The following CNTN1 variants were observed in gnomAD, a reference collection of about 807,000 sequenced individuals.
The protein encoded by CNTN1 is contactin-1.
CNTN1 carries 38 observed loss-of-function variants against 126.4 expected under a neutral mutation model. That is an observed-to-expected ratio of 0.30 (90% confidence interval 0.23 to 0.39). The LOEUF is 0.39. Among genes scored for constraint, CNTN1 ranks in the 10% least tolerant of loss-of-function variants. CNTN1 has a pLI of 1.00. For missense variants in CNTN1, 1,009 were observed against 1,248.4 expected (o/e 0.81, Z 2.89); for synonymous variants, 413 against 422.6 (o/e 0.98, Z 0.28).
intron 1 of CNTN1, among the ~76,000 whole-genome samples, chr12:40,853,987 T>C (rs1446644681): frequency 6.7e-6 from 1 of 149,916 alleles, no homozygotes; most frequent in Non-Finnish European, 1.5e-5. Flanking sequence ...TTTCCAAATA[T>C]TTTCTCAGCT....
chr12:41,059,892 C>A (rs1949903809), intron 23 of CNTN1, among the ~76,000 whole-genome samples: 1 of 152,004 alleles, frequency 6.6e-6, no homozygotes, highest in Admixed American at 6.6e-5. Flanking sequence ...TGGGAATGGT[C>A]ATGCATGTCT....
At chr12:40,744,055 G>C (rs1239124387) in intron 1 of CNTN1, among the ~76,000 whole-genome samples, 2 of 150,216 alleles carry the variant, frequency 1.3e-5, no homozygotes, top group Non-Finnish European at 2.9e-5. Flanking sequence ...AACACCACAT[G>C]TTTTCACTTA....
intron 1 of CNTN1, among the ~76,000 whole-genome samples, chr12:40,838,104 C>A (rs1484582578): frequency 2.6e-5 from 4 of 152,228 alleles, no homozygotes; most frequent in African/African-American, 7.2e-5. Context: ...AAAAGGCCAC[C>A]CAGCCCGGCA....
intron 1 of CNTN1, among the ~76,000 whole-genome samples, chr12:40,898,630 AC>A (rs1944497346): frequency 6.6e-6 from 1 of 152,182 alleles, no homozygotes; most frequent in South Asian, 2.1e-4. Flanking sequence ...TGATACAATG[AC>A]CTGTATTCAA....
At chr12:40,801,934 A>C (rs1940671512) in intron 1 of CNTN1, among the ~76,000 whole-genome samples, 1 of 151,948 alleles carries the variant, frequency 6.6e-6, no homozygotes, top group South Asian at 2.1e-4. Flanking sequence ...TGAGGGCTCG[A>C]ACTTGGTTAT....
chr12:40,901,411 G>C (rs956423756), intron 1 of CNTN1, among the ~76,000 whole-genome samples: 1 of 152,162 alleles, frequency 6.6e-6, no homozygotes, highest in Non-Finnish European at 1.5e-5. Context: ...ACAGATTCCT[G>C]AGTAAATCGC....
At chr12:40,740,763 T>C (rs532478351) in intron 1 of CNTN1, among the ~76,000 whole-genome samples, 1 of 152,102 alleles carries the variant, frequency 6.6e-6, no homozygotes, top group African/African-American at 2.4e-5. Context: ...GGTTTTCCCA[T>C]GTTGTTCTCG....
Position 40,880,625 on chromosome 12 carries a change from G to A in CNTN1, c.-76-27732G>A, listed in dbSNP as rs183425297. Among the ~76,000 whole-genome samples the A allele has an allele frequency of 2.0e-4, 30 of 152,088 alleles. No homozygotes were observed. The East Asian group carries it at 3.3e-3, about 17-fold the overall frequency. On this transcript the variant is annotated intron_variant, in intron 1 of 23. Coordinates refer to ENST00000551295, the MANE Select transcript of CNTN1 (RefSeq NM_001843.4). Reference sequence around the variant, plus strand: ...TAGATGATGTAGTAAAAGATTGTGCGTCACTTAGTACTCCTTTGACAATAA... The same window carrying A: ...TAGATGATGTAGTAAAAGATTGTGCATCACTTAGTACTCCTTTGACAATAA...
chr12:40,884,676 AT>A (rs1271615085), intron 1 of CNTN1, among the ~76,000 whole-genome samples: 2 of 151,530 alleles, frequency 1.3e-5, no homozygotes, highest in South Asian at 4.2e-4. Context: ...ATTAAGTTGC[AT>A]TTTTTATTCA....
chr12:40,761,811 A>G (rs1938874953), intron 1 of CNTN1, among the ~76,000 whole-genome samples: 1 of 152,200 alleles, frequency 6.6e-6, no homozygotes, highest in Admixed American at 6.5e-5. Flanking sequence ...GTTACTTTAG[A>G]ATAGGCTAAA....
intron 1 of CNTN1, among the ~76,000 whole-genome samples, chr12:40,816,765 C>A (rs1449861040): frequency 6.6e-6 from 1 of 152,068 alleles, no homozygotes; most frequent in African/African-American, 2.4e-5. Context: ...TTTTAGCTTT[C>A]TGATGTGGGC....
In CNTN1 at chr12:40,981,000, T is replaced by C. The variant is rs992266921; in HGVS notation, c.1896T>C (p.Ser632=). The change falls in exon 16 of 24, where the codon AGT becomes AGC. Residue 632 remains serine (S), a synonymous_variant. Coordinates refer to ENST00000551295, the MANE Select transcript of CNTN1 (RefSeq NM_001843.4). ...LTWSRGSDNH[S]PISKYTIQTK... is the part of the protein sequence containing the mutation. ...GGAGCCGTGGTTCAGACAATCATAG[T>C]CCTATTTCTAAATACACTATCCAGA... The C allele has an allele frequency of 1.2e-6, 2 of 1,613,702 alleles. No homozygotes were observed. Among genetic ancestry groups the C allele is most frequent in the Non-Finnish European group, 1.7e-6 (2 of 1,179,720 alleles).
chr12:40,802,463 T>C (rs999850039), intron 1 of CNTN1, among the ~76,000 whole-genome samples: 6 of 152,024 alleles, frequency 3.9e-5, no homozygotes, highest in Admixed American at 3.3e-4. Flanking sequence ...TTGTAAGCAA[T>C]GATACCAGCC....
At chr12:40,853,975 A>G (rs1454317029) in intron 1 of CNTN1, among the ~76,000 whole-genome samples, 1 of 150,112 alleles carries the variant, frequency 6.7e-6, no homozygotes, top group Non-Finnish European at 1.5e-5. Flanking sequence ...ATTTATAATA[A>G]TTTTCCAAAT....
At chr12:41,063,508 G>C (rs770271755) in intron 23 of CNTN1, among the ~76,000 whole-genome samples, 1 of 152,140 alleles carries the variant, frequency 6.6e-6, no homozygotes, top group Non-Finnish European at 1.5e-5. Context: ...TTTTAGATGA[G>C]AGTAGTCTCT....
At position 40,869,983 on chromosome 12, in the gene CNTN1, A is replaced by C. The variant is rs1464430973; in HGVS notation, c.-76-38374A>C. 2.0e-5 allele frequency among the ~76,000 whole-genome samples: 3 copies of C among 152,124 alleles called. No homozygotes were observed. The East Asian group carries it at 5.8e-4, about 29-fold the overall frequency. ...GAACCTGGTGGGAAGTGATTGAATC[A>C]TGGGGGTGGGTCTTTCTCATGCTGT... On this transcript the variant is annotated intron_variant, in intron 1 of 23. Coordinates refer to ENST00000551295, the MANE Select transcript of CNTN1 (RefSeq NM_001843.4).
chr12:40,838,150 T>C (rs937482943), intron 1 of CNTN1, among the ~76,000 whole-genome samples: 5 of 152,166 alleles, frequency 3.3e-5, no homozygotes, highest in African/African-American at 7.2e-5. Context: ...GCCTGTGGCC[T>C]TGGGGATGGC....
At chr12:40,804,846 A>G (rs1940784957) in intron 1 of CNTN1, among the ~76,000 whole-genome samples, 1 of 151,748 alleles carries the variant, frequency 6.6e-6, no homozygotes, top group Non-Finnish European at 1.5e-5. Flanking sequence ...GCATTATCTC[A>G]GTCTTTTTTT....
intron 17 of CNTN1, among the ~76,000 whole-genome samples, chr12:41,007,083 G>T (rs568366887): frequency 8.7e-6 from 1 of 114,378 alleles, no homozygotes; most frequent in African/African-American, 3.6e-5. Context: ...TTTTTGAGAC[G>T]GAGTCTCGCT....
Sources: gnomAD v4.1 joint callset for allele counts (sites outside exome capture counted in the v4.1 genomes callset) on GRCh38, gnomAD v4.1.1 for gene constraint, MANE v1.5 for transcripts, NCBI Gene and HGNC (gene_info 2026-07-23, HGNC 2026-07-21) for gene names.